The following COG2 variants were observed in gnomAD, a reference collection of about 807,000 sequenced individuals.
COG2 encodes conserved oligomeric Golgi complex subunit 2.
In COG2, 52 loss-of-function variants were observed where a neutral mutation model predicts 90.6. The ratio of observed to expected loss-of-function variants is 0.57; its 90% CI spans 0.46 to 0.72. The LOEUF is 0.72. Ranked by LOEUF, COG2 falls within the 30% of genes least tolerant of loss-of-function variation. The probability of loss-of-function intolerance (pLI) is 0.00; values close to 1 mark genes in which losing one functional copy is unlikely to be tolerated. For missense variants in COG2, 829 were observed against 891.2 expected (o/e 0.93, Z 0.89); for synonymous variants, 337 against 320.4 (o/e 1.05, Z -0.55).
intron 1 of COG2, among the ~76,000 whole-genome samples, chr1:230,653,838 A>G (rs184439920): frequency 2.0e-5 from 3 of 152,140 alleles, no homozygotes; most frequent in African/African-American, 7.2e-5. Flanking sequence ...AGAGCAAGAG[A>G]GGGATGAACT....
At chr1:230,665,287 T>G (rs1273596360) in intron 5 of COG2, among the ~76,000 whole-genome samples, 1 of 152,194 alleles carries the variant, frequency 6.6e-6, no homozygotes, top group East Asian at 1.9e-4. Flanking sequence ...ATCTCTCATA[T>G]AAGGCTAATA....
chr1:230,645,251 A>G (rs56336434), intron 1 of COG2, among the ~76,000 whole-genome samples: 49 of 127,074 alleles, frequency 3.9e-4, no homozygotes, highest in African/African-American at 9.7e-4. Context: ...AAAAAAAAAA[A>G]AAAAAGAAAA....
rs764333948 is a variant in COG2 at position 230,660,846 on chromosome 1, A to G, written c.300+23A>G. The G allele has an allele frequency of 2.2e-5, 33 of 1,518,110 alleles. No individual in the cohort carries two copies. The African/African-American group carries it at 3.1e-4, about 14-fold the overall frequency. 94.0% of individuals were successfully genotyped at this position (1,518,110 alleles called of 1,614,324 possible). A position where few individuals can be genotyped will look rare whatever the true frequency, so the allele number is the denominator to read the frequency against. Reference sequence around the variant, plus strand: ...CTGGTAAGTTTCCCGAATAACATCAAACAGTTTACCCTAAAGCATGATATG... The same window carrying G: ...CTGGTAAGTTTCCCGAATAACATCAGACAGTTTACCCTAAAGCATGATATG... On this transcript the variant is annotated intron_variant, in intron 3 of 17. Transcript: ENST00000366669.
chr1:230,693,371 A>G lies in COG2; in HGVS notation c.2195A>G (p.Gln732Arg). 6.2e-7 allele frequency: 1 copy of G among 1,612,058 alleles called. No homozygotes were observed. Among genetic ancestry groups the G allele is most frequent in the Non-Finnish European group, 8.5e-7 (1 of 1,178,484 alleles). ...LAELVAAAKD[Q>R]ATAEQP ...GAGCTTGTTGCTGCTGCCAAGGACC[A>G]GGCAACAGCAGAGCAGCCTTAAGCA... Residue 732 changes from glutamine (Q) to arginine (R), a missense_variant, in exon 18 of 18, where the codon CAG (glutamine) becomes CGG (arginine). Gln to Arg is a conservative substitution (Grantham distance 43, BLOSUM62 1). Transcript: ENST00000366669.
chr1:230,657,321 A>G (rs1023574535), intron 1 of COG2, among the ~76,000 whole-genome samples: 1 of 152,176 alleles, frequency 6.6e-6, no homozygotes, highest in African/African-American at 2.4e-5. Context: ...TCCTTTGCTT[A>G]TGAAGCTTAG....
intron 12 of COG2, among the ~76,000 whole-genome samples, chr1:230,686,641 T>G (rs1662890838): frequency 6.6e-6 from 1 of 152,202 alleles, no homozygotes; most frequent in Admixed American, 6.5e-5. Flanking sequence ...GTCCCCAAAA[T>G]TAATTTTATT....
intron 5 of COG2, 45 bp from the exon 6 acceptor site, chr1:230,668,629 AAT>A (rs373820783): frequency 1.0e-4 from 117 of 1,170,802 alleles, no homozygotes; most frequent in Non-Finnish European, 1.4e-4. Flanking sequence ...TTCTCGTGGA[AAT>A]AGAGACCTTA....
At chr1:230,679,389 C>T (rs1471667381) in intron 10 of COG2, 1 of 178,534 alleles carries the variant, frequency 5.6e-6, no homozygotes, top group Non-Finnish European at 1.2e-5. Flanking sequence ...CTCTTTTTTT[C>T]CATTTTCCCT....
Position 230,693,605 on chromosome 1 carries a change from G to A in COG2, c.*212G>A. The A allele has an allele frequency of 2.5e-6, 1 of 404,490 alleles. No individual in the cohort carries two copies. Among genetic ancestry groups the A allele is most frequent in the Non-Finnish European group, 4.4e-6 (1 of 227,414 alleles). The allele number at this position is 404,490 out of a possible 1,614,324, so 25.1% of individuals were successfully genotyped here. A position where few individuals can be genotyped will look rare whatever the true frequency, so the allele number is the denominator to read the frequency against. The stretch of plus-strand genomic sequence containing the variant: ...CACAAAAGCCTTTTTCCATTGTATG[G>A]AAGATAGTTTTTAAGACATTTGAAA... On this transcript the variant is annotated 3_prime_UTR_variant, in exon 18 of 18. Coordinates refer to ENST00000366669, the MANE Select transcript of COG2 (RefSeq NM_007357.3).
At chr1:230,679,603 A>ATGG (rs1220784795) in intron 10 of COG2, 1 of 152,190 alleles carries the variant, frequency 6.6e-6, no homozygotes, top group Non-Finnish European at 1.5e-5. Context: ...ATTCAGGAAA[A>ATGG]TGGTGACATT....
intron 3 of COG2, among the ~76,000 whole-genome samples, chr1:230,662,079 G>A (rs1662194794): frequency 6.6e-6 from 1 of 151,986 alleles, no homozygotes. Flanking sequence ...CTCCCATGGA[G>A]GTGGATTCAC....
chr1:230,659,868 G>A (rs1345805467), intron 2 of COG2, among the ~76,000 whole-genome samples: 2 of 152,160 alleles, frequency 1.3e-5, no homozygotes, highest in Non-Finnish European at 2.9e-5. Context: ...AAAAACAAAG[G>A]CTAGCAGTAG....
chr1:230,662,829 C>T (rs1328960301), intron 3 of COG2, among the ~76,000 whole-genome samples: 2 of 152,196 alleles, frequency 1.3e-5, no homozygotes, highest in Non-Finnish European at 2.9e-5. Context: ...TACCTCAAGT[C>T]TCATCTCCCC....
rs2102760603 is a variant in COG2, at chr1:230,672,840, C to T, written c.899+1200C>T. Among the ~76,000 whole-genome samples the T allele has an allele frequency of 1.3e-5, 2 of 152,292 alleles. 1 individual carries two copies. The highest frequency in any genetic ancestry group is 4.1e-4 in the South Asian group (2 of 4,826). On this transcript the variant is annotated intron_variant, in intron 8 of 17. Transcript: ENST00000366669. ...TGACACAGTGTCTTAGAGCTAGCAG[C>T]TGCCCAGTTAGTGCTTGCAAAATGA...
chr1:230,662,246 C>T (rs1436383043), intron 3 of COG2, among the ~76,000 whole-genome samples: 3 of 152,128 alleles, frequency 2.0e-5, no homozygotes, highest in African/African-American at 4.8e-5. Flanking sequence ...CCTGTTCTTC[C>T]TTTTTGGCTT....
In COG2 at chr1:230,693,329, G is replaced by A; in HGVS notation, c.2153G>A (p.Ser718Asn). Residue 718 changes from serine (S) to asparagine (N), a missense_variant, in exon 18 of 18, where the codon AGC becomes AAC. Coordinates refer to ENST00000366669, the MANE Select transcript of COG2 (RefSeq NM_007357.3). ...GGACTACAAGCAAGTGACATAAAAA[G>A]CTTCTCAGCTCTCGCAGAGCTTGTT... ...KLGLQASDIK[S>N]FSALAELVAA... 1 of 1,613,724 alleles carries A rather than the reference G, an allele frequency of 6.2e-7. No individual in the cohort carries two copies. The highest frequency in any genetic ancestry group is 8.5e-7 in the Non-Finnish European group (1 of 1,179,770).
At chr1:230,690,958 A>G (rs1663010746) in intron 16 of COG2, among the ~76,000 whole-genome samples, 1 of 152,184 alleles carries the variant, frequency 6.6e-6, no homozygotes, top group African/African-American at 2.4e-5. Flanking sequence ...TTACACTCTA[A>G]AAGATGAACT....
At position 230,669,591 on chromosome 1, in the gene COG2, T is replaced by C. The variant is rs1262752924; in HGVS notation, c.774+56T>C. On this transcript the variant is annotated intron_variant, in intron 7 of 17. Coordinates refer to ENST00000366669, the MANE Select transcript of COG2 (RefSeq NM_007357.3). ...GAGCTTCTGTTCTGTCTTTGACTCTTTACTGGGTGTGAGGAAGATAAGAAG... is the reference window on the plus strand; with the variant it reads ...GAGCTTCTGTTCTGTCTTTGACTCTCTACTGGGTGTGAGGAAGATAAGAAG... The C allele has an allele frequency of 8.2e-6, 12 of 1,472,014 alleles. No homozygotes were observed. The East Asian group carries it at 2.6e-4, about 32-fold the overall frequency. The allele number at this position is 1,472,014 out of a possible 1,614,324, so 91.2% of individuals were successfully genotyped here. A position where few individuals can be genotyped will look rare whatever the true frequency, so the allele number is the denominator to read the frequency against.
chr1:230,675,052 A>G lies in COG2; in HGVS notation c.954A>G (p.Pro318=). ...ACTTTTTGGTGAATTCTGTTTGGCC[A>G]CAAATAGTACAAGGATTAGAAGAAA... ...GYDFLVNSVW[P]QIVQGLEEKL... The change falls in exon 9 of 18, where the codon CCA becomes CCG. Residue 318 remains proline, a synonymous_variant. Coordinates refer to ENST00000366669, the MANE Select transcript of COG2 (RefSeq NM_007357.3). The G allele has an allele frequency of 6.2e-7, 1 of 1,613,042 alleles. No homozygotes were observed. The highest frequency in any genetic ancestry group is 1.3e-5 in the African/African-American group (1 of 75,006).
Sources: gnomAD v4.1 joint callset for allele counts (sites outside exome capture counted in the v4.1 genomes callset) on GRCh38, gnomAD v4.1.1 for gene constraint, MANE v1.5 for transcripts, NCBI Gene and HGNC (gene_info 2026-07-23, HGNC 2026-07-21) for gene names.